Variants in ZNF84 observed in about 807,000 individuals in gnomAD.
ZNF84 encodes the protein zinc finger protein HPF2.
In ZNF84, 12 loss-of-function variants were observed where a neutral mutation model predicts 14.8. That is an observed-to-expected ratio of 0.81 (90% CI 0.52 to 1.31). The LOEUF is 1.31. Ranked by LOEUF, ZNF84 falls within the 50% of genes most tolerant of loss-of-function variation. The pLI is 0.00. For synonymous variants in ZNF84, 347 were observed against 291.1 expected (o/e 1.19, Z -1.96); for missense variants, 859 against 878.6 (o/e 0.98, Z 0.28).
At position 133,058,323 on chromosome 12, in the gene ZNF84, A is replaced by G. The variant is rs984743442; in HGVS notation, c.1608A>G (p.Thr536=). 1.5e-5 allele frequency: 24 copies of G among 1,613,890 alleles called. No individual in the cohort carries two copies. In the African/African-American group the frequency reaches 2.9e-4, roughly 20 times the overall value. The part of the protein sequence containing the change: ...QKSHLISHQR[T]HTGEKPYECS... ...CACATCTCATATCACATCAGAGGACACATACAGGGGAGAAACCCTATGAAT... is the reference window on the plus strand; with the variant it reads ...CACATCTCATATCACATCAGAGGACGCATACAGGGGAGAAACCCTATGAAT... Residue 536 remains threonine, a synonymous_variant, in exon 5 of 5, where the codon ACA becomes ACG. Transcript: ENST00000539354.
intron 4 of ZNF84, among the ~76,000 whole-genome samples, chr12:133,052,115 T>C (rs1456507722): frequency 6.6e-6 from 1 of 152,208 alleles, no homozygotes; most frequent in Admixed American, 6.5e-5. Context: ...GTTAGTCTGC[T>C]CAGTCTGCCA....
rs374596855 is a variant in ZNF84, at chr12:133,047,583, G to A, written c.16-372G>A. The A allele has an allele frequency of 5.1e-4, 81 of 159,292 alleles. 1 individual carries two copies. In the South Asian group the frequency reaches 0.013, roughly 26 times the overall value. 9.9% of individuals were successfully genotyped at this position (159,292 alleles called of 1,614,324 possible). On this transcript the variant is annotated intron_variant, in intron 2 of 4. Transcript: ENST00000539354. ...CCAGGCCCGACCCTGCTTAGCTTCC[G>A]AGAACGGACGAGACTGGGCGCGTTG...
At chr12:133,050,844 A>G (rs1208843844) in intron 4 of ZNF84, among the ~76,000 whole-genome samples, 1 of 152,258 alleles carries the variant, frequency 6.6e-6, no homozygotes, top group Non-Finnish European at 1.5e-5. Context: ...GTTTGCACAC[A>G]TAAATGCAGG....
intron 3 of ZNF84, 53 bp from the exon 4 acceptor site, chr12:133,048,700 C>T (rs1456616335): frequency 1.4e-6 from 2 of 1,402,454 alleles, no homozygotes; most frequent in Admixed American, 3.5e-5. Flanking sequence ...ACTTTAGAGG[C>T]CCTAAACCCC....
chr12:133,048,191 G>C (rs1954016093), intron 3 of ZNF84, 110 bp downstream of exon 3: 1 of 1,062,464 alleles, frequency 9.4e-7, no homozygotes. Flanking sequence ...AATTTTTAAT[G>C]ATTTTAGACC....
intron 2 of ZNF84, among the ~76,000 whole-genome samples, chr12:133,046,863 A>G (rs1465809723): frequency 7.5e-6 from 1 of 134,136 alleles, no homozygotes; most frequent in Non-Finnish European, 1.6e-5. Context: ...TATATATGAT[A>G]TTTATATTAT....
intron 4 of ZNF84, 124 bp from the exon 5 acceptor site, chr12:133,056,830 T>C (rs993131797): frequency 5.6e-6 from 4 of 709,836 alleles, no homozygotes; most frequent in Non-Finnish European, 6.8e-6. Context: ...TTGGGACTTA[T>C]TTCAGACTCG....
At position 133,057,183 on chromosome 12, in the gene ZNF84, T is replaced by G; in HGVS notation, c.468T>G (p.Asp156Glu). ...GAGATTATGGAAAAGCAGAATCAGA[T>G]GACTTTAATGTGTTTGATAATTTTT... Reference protein sequence around the residue: ...PKGDYGKAESDDFNVFDNFFL... With the variant: ...PKGDYGKAESEDFNVFDNFFL... The change falls in exon 5 of 5, where the codon GAT becomes GAG. Residue 156 changes from aspartate (D) to glutamate (E), a missense_variant. Asp to Glu is a conservative substitution (Grantham distance 45). Coordinates refer to ENST00000539354, the MANE Select transcript of ZNF84 (RefSeq NM_001289971.2). 1 of 1,611,116 alleles carries G rather than the reference T, an allele frequency of 6.2e-7. No individual in the cohort carries two copies. Among genetic ancestry groups the G allele is most frequent in the Non-Finnish European group, 8.5e-7 (1 of 1,179,330 alleles).
At position 133,057,907 on chromosome 12, in the gene ZNF84, A is replaced by G; in HGVS notation, c.1192A>G (p.Thr398Ala). The G allele has an allele frequency of 1.2e-6, 2 of 1,614,162 alleles. No individual in the cohort carries two copies. Among genetic ancestry groups the G allele is most frequent in the Non-Finnish European group, 8.5e-7 (1 of 1,180,018 alleles). Residue 398 changes from threonine (T) to alanine (A), a missense_variant, in exon 5 of 5, where the codon ACT (threonine) becomes GCT (alanine). By Grantham distance (58) the Thr-to-Ala change is moderately conservative (BLOSUM62 0). Coordinates refer to ENST00000539354, the MANE Select transcript of ZNF84 (RefSeq NM_001289971.2). ...SELIRHQTIH[T>A]GEKPYECSEC... is the part of the protein sequence containing the mutation. The stretch of plus-strand genomic sequence containing the variant: ...GCTTATTAGACATCAGACAATTCAT[A>G]CTGGAGAGAAACCCTATGAATGCAG...
chr12:133,058,071 A>G lies in ZNF84; in HGVS notation c.1356A>G (p.Thr452=). The G allele has an allele frequency of 6.2e-7, 1 of 1,613,516 alleles. No individual in the cohort carries two copies. Among genetic ancestry groups the G allele is most frequent in the South Asian group, 1.1e-5 (1 of 91,038 alleles). The change falls in exon 5 of 5, where the codon ACA becomes ACG. Residue 452 remains threonine, a synonymous_variant. Coordinates refer to ENST00000539354, the MANE Select transcript of ZNF84 (RefSeq NM_001289971.2). The part of the protein sequence containing the change: ...QKSHLISHQM[T]HTGEKPFICS... ...CACATCTCATATCACATCAGATGAC[A>G]CACACAGGAGAAAAACCCTTTATAT... is the stretch of plus-strand genomic sequence containing the variant.
chr12:133,048,791 G>T lies in ZNF84; in HGVS notation c.181G>T (p.Glu61Ter). The T allele has an allele frequency of 6.2e-7, 1 of 1,613,862 alleles. No homozygotes were observed. Among genetic ancestry groups the T allele is most frequent in the South Asian group, 1.1e-5 (1 of 91,058 alleles). ...GAAACCAGATGTCATCTTCAAATTG[G>T]AGCAAGGAGAAGAGCCGTGGGTAGG... ...VMKPDVIFKLEQGEEPWVGDG... is the reference protein window; with the variant it reads ...VMKPDVIFKL Residue 61 changes from glutamate to a stop codon, truncating the protein, a stop_gained, in exon 4 of 5, where the codon GAG becomes TAG. Transcript: ENST00000539354. LOFTEE classifies it high-confidence loss of function.
At chr12:133,049,465 A>G (rs1954038063) in intron 4 of ZNF84, among the ~76,000 whole-genome samples, 1 of 151,972 alleles carries the variant, frequency 6.6e-6, no homozygotes, top group Non-Finnish European at 1.5e-5. Flanking sequence ...AAGTATATGA[A>G]TAATCCCTTT....
chr12:133,046,882 A>ATATTATATAT (rs1953988795), intron 2 of ZNF84, among the ~76,000 whole-genome samples: 1 of 140,942 alleles, frequency 7.1e-6, no homozygotes, highest in Non-Finnish European at 1.5e-5. Flanking sequence ...ATATATATTT[A>ATATTATATAT]TATATTATTT....
intron 4 of ZNF84, among the ~76,000 whole-genome samples, chr12:133,053,224 A>G (rs1954099822): frequency 6.6e-6 from 1 of 152,216 alleles, no homozygotes; most frequent in African/African-American, 2.4e-5. Context: ...ACCACAAATG[A>G]CCAAATATAA....
chr12:133,049,140 G>T (rs1018739233), intron 4 of ZNF84, among the ~76,000 whole-genome samples: 30 of 152,356 alleles, frequency 2.0e-4, no homozygotes, highest in Admixed American at 1.0e-3. Flanking sequence ...AGCTTAAAAT[G>T]AAATGTGTCC....
At chr12:133,051,244 A>C (rs1954063863) in intron 4 of ZNF84, among the ~76,000 whole-genome samples, 1 of 152,160 alleles carries the variant, frequency 6.6e-6, no homozygotes, top group South Asian at 2.1e-4. Flanking sequence ...ATTACAAAGT[A>C]AGACCAGAAA....
rs1473464995 is a variant in ZNF84, at chr12:133,062,011, T to C, written c.*3079T>C. The C allele has an allele frequency of 6.6e-6, 1 of 152,222 alleles. No individual in the cohort carries two copies. The highest frequency in any genetic ancestry group is 6.5e-5 in the Admixed American group (1 of 15,284). The allele number at this position is 152,222 out of a possible 1,614,324, so 9.4% of individuals were successfully genotyped here. A position where few individuals can be genotyped will look rare whatever the true frequency, so the allele number is the denominator to read the frequency against. On this transcript the variant is annotated 3_prime_UTR_variant, in exon 5 of 5. Transcript: ENST00000539354. ...AAATTCTACATCAAGAAGAAAGTTTTAAAGTTAGACTGGATTTATTTGTGA... is the reference window on the plus strand; with the variant it reads ...AAATTCTACATCAAGAAGAAAGTTTCAAAGTTAGACTGGATTTATTTGTGA...
chr12:133,057,741 C>A lies in ZNF84; in HGVS notation c.1026C>A (p.Thr342=), dbSNP rs1032350692. Reference sequence around the variant, plus strand: ...TCATTAACCATCAGAGAATTCATACCGGTGAGAAGCCTTTTGAATGCAGGG... The same window carrying A: ...TCATTAACCATCAGAGAATTCATACAGGTGAGAAGCCTTTTGAATGCAGGG... ...SNLINHQRIH[T]GEKPFECREC... The change falls in exon 5 of 5, where the codon ACC becomes ACA. Residue 342 remains threonine (T), a synonymous_variant. Coordinates refer to ENST00000539354, the MANE Select transcript of ZNF84 (RefSeq NM_001289971.2). 6.2e-7 allele frequency: 1 copy of A among 1,613,498 alleles called. No individual in the cohort carries two copies. The highest frequency in any genetic ancestry group is 8.5e-7 in the Non-Finnish European group (1 of 1,179,874).
At chr12:133,044,775 G>A (rs927355056) in intron 2 of ZNF84, among the ~76,000 whole-genome samples, 10 of 151,926 alleles carry the variant, frequency 6.6e-5, no homozygotes, top group African/African-American at 1.9e-4. Context: ...TTAGCCGGGC[G>A]TGGTGGCAGG....
Sources: gnomAD v4.1 joint callset for allele counts (sites outside exome capture counted in the v4.1 genomes callset) on GRCh38, gnomAD v4.1.1 for gene constraint, MANE v1.5 for transcripts, NCBI Gene and HGNC (gene_info 2026-07-23, HGNC 2026-07-21) for gene names.